EIF2AK2: variants seen among roughly 807,000 people sequenced by gnomAD.
EIF2AK2 encodes interferon-induced, double-stranded RNA-activated protein kinase.
A neutral mutation model predicts 70.5 loss-of-function variants in EIF2AK2; 40 were observed. The ratio of observed to expected loss-of-function variants is 0.57; its 90% confidence interval spans 0.44 to 0.74. The LOEUF (loss-of-function observed/expected upper bound fraction) is 0.74. Ranked by LOEUF, EIF2AK2 falls within the 30% of genes least tolerant of loss-of-function variation. The pLI, the probability that EIF2AK2 is intolerant of heterozygous loss-of-function variation, is 0.00. For missense variants in EIF2AK2, 555 were observed against 644.3 expected, an observed-to-expected ratio of 0.86 and a Z score of 1.50; for synonymous variants, 198 against 220.9, an observed-to-expected ratio of 0.90 and a Z score of 0.92.
chr2:37,144,215 A>C (rs994246963), intron 4 of EIF2AK2, among the ~76,000 whole-genome samples: 1 of 152,214 alleles, frequency 6.6e-6, no homozygotes, highest in African/African-American at 2.4e-5. Flanking sequence ...ACACTACTGT[A>C]AACAAATCTA....
At chr2:37,147,296 T>C (rs13020720) in intron 3 of EIF2AK2, among the ~76,000 whole-genome samples, 1 of 151,608 alleles carries the variant, frequency 6.6e-6, no homozygotes, top group Non-Finnish European at 1.5e-5. Context: ...TATAAGGTCA[T>C]ATCTTTTTTC....
intron 4 of EIF2AK2, among the ~76,000 whole-genome samples, chr2:37,145,443 G>C (rs749270412): frequency 1.3e-5 from 2 of 152,040 alleles, no homozygotes; most frequent in Non-Finnish European, 2.9e-5. Flanking sequence ...GCGCCTGGCC[G>C]CGTTTGTGTT....
intron 13 of EIF2AK2, among the ~76,000 whole-genome samples, chr2:37,116,701 C>T (rs1265178060): frequency 6.6e-6 from 1 of 152,130 alleles, no homozygotes; most frequent in Non-Finnish European, 1.5e-5. Flanking sequence ...AAGCTGTAGA[C>T]AGATGTGGAG....
At chr2:37,155,671 A>G (rs1392032650) in intron 1 of EIF2AK2, among the ~76,000 whole-genome samples, 2 of 152,182 alleles carry the variant, frequency 1.3e-5, no homozygotes, top group Non-Finnish European at 2.9e-5. Context: ...CTAAAAAATA[A>G]TATTTGTCCA....
Position 37,148,842 on chromosome 2 carries a change from G to C in EIF2AK2, c.-17+15C>G. The C allele has an allele frequency of 4.7e-6, 4 of 842,246 alleles. No individual in the cohort carries two copies. Among genetic ancestry groups the C allele is most frequent in the South Asian group, 1.3e-5 (1 of 75,106 alleles). 52.2% of individuals were successfully genotyped at this position (842,246 alleles called of 1,614,324 possible). ...GCCACTTTTCTGAGTGCAAAATTCG[G>C]AAGACCGCTTGTACCTGGTTGGAAG... On this transcript the variant is annotated intron_variant, in intron 2 of 16. Coordinates refer to ENST00000233057, the MANE Select transcript of EIF2AK2 (RefSeq NM_001135651.3).
chr2:37,111,877 AAAT>A (rs1379288808), intron 14 of EIF2AK2, among the ~76,000 whole-genome samples: 261 of 34,812 alleles, frequency 7.5e-3, no homozygotes, highest in Non-Finnish European at 0.012. Context: ...AAAAAAAAAA[AAAT>A]ATATATATAT....
At chr2:37,124,332 G>A (rs1354129614) in intron 11 of EIF2AK2, among the ~76,000 whole-genome samples, 3 of 151,956 alleles carry the variant, frequency 2.0e-5, no homozygotes, top group Non-Finnish European at 4.4e-5. Flanking sequence ...CGCGATCTTG[G>A]CTCACTGCAA....
intron 10 of EIF2AK2, among the ~76,000 whole-genome samples, chr2:37,134,009 T>C (rs529734412): frequency 6.6e-6 from 1 of 152,320 alleles, no homozygotes; most frequent in East Asian, 1.9e-4. Flanking sequence ...ACAACCCCTC[T>C]TGCTGCAAGC....
Position 37,138,540 on chromosome 2 carries a change from A to T in EIF2AK2, c.562T>A (p.Ser188Thr). The T allele has an allele frequency of 3.1e-6, 5 of 1,614,112 alleles. No individual in the cohort carries two copies. The highest frequency in any genetic ancestry group is 4.2e-6 in the Non-Finnish European group (5 of 1,180,006). Residue 188 changes from serine to threonine, a missense_variant, in exon 7 of 17, where the codon TCC (serine) becomes ACC (threonine). Physicochemically the swap from Ser to Thr is moderately conservative, Grantham distance 58. Transcript: ENST00000233057. ...SSGSFATTCE[S>T]QSNSLVTSTL... Reference sequence around the variant, plus strand: ...CTGGTCACTAAAGAGTTGCTTTGGGACTCACACGTAGTAGCAAAAGAACCA... The same window carrying T: ...CTGGTCACTAAAGAGTTGCTTTGGGTCTCACACGTAGTAGCAAAAGAACCA...
At chr2:37,130,183 C>A (rs1273414548) in intron 10 of EIF2AK2, among the ~76,000 whole-genome samples, 4 of 152,138 alleles carry the variant, frequency 2.6e-5, no homozygotes, top group Non-Finnish European at 5.9e-5. Flanking sequence ...CTCACTGCAA[C>A]TCCTGCCTCC....
intron 13 of EIF2AK2, among the ~76,000 whole-genome samples, chr2:37,115,872 T>A (rs78295572): frequency 7.4e-6 from 1 of 134,422 alleles, no homozygotes; most frequent in Non-Finnish European, 1.6e-5. Context: ...TTTAAGCAGA[T>A]TTTTTTTTTT....
chr2:37,108,522 T>C (rs1481972577), intron 15 of EIF2AK2, among the ~76,000 whole-genome samples: 1 of 152,210 alleles, frequency 6.6e-6, no homozygotes, highest in Non-Finnish European at 1.5e-5. Context: ...TGGCATTCTC[T>C]TATATTATCT....
chr2:37,148,804 T>C, intron 2 of EIF2AK2, 53 bp downstream of exon 2: 1 of 824,242 alleles, frequency 1.2e-6, no homozygotes, highest in Admixed American at 1.7e-5. Context: ...TGCATGTAAT[T>C]GACTTAGATG....
Position 37,122,622 on chromosome 2 carries a change from A to G in EIF2AK2, c.951T>C (p.His317=). Reference sequence around the variant, plus strand: ...AGCCATTGTAGTGAACAATATTTACATGATCAAGTTTTGCCAATGCTTTTA... The same window carrying G: ...AGCCATTGTAGTGAACAATATTTACGTGATCAAGTTTTGCCAATGCTTTTA... ...REVKALAKLD[H]VNIVHYNGCW... Residue 317 remains histidine, a synonymous_variant, in exon 12 of 17, where the codon CAT becomes CAC. Coordinates refer to ENST00000233057, the MANE Select transcript of EIF2AK2 (RefSeq NM_001135651.3). 2 of 1,614,178 alleles carry G rather than the reference A, an allele frequency of 1.2e-6. No individual in the cohort carries two copies. The highest frequency in any genetic ancestry group is 1.7e-6 in the Non-Finnish European group (2 of 1,180,036).
At chr2:37,120,750 C>T (rs1674514842) in intron 12 of EIF2AK2, among the ~76,000 whole-genome samples, 1 of 148,388 alleles carries the variant, frequency 6.7e-6, no homozygotes. Context: ...ATTGCTTGAG[C>T]TCAGGAGTTT....
chr2:37,154,092 C>T (rs1675837620), intron 1 of EIF2AK2, among the ~76,000 whole-genome samples: 1 of 152,080 alleles, frequency 6.6e-6, no homozygotes, highest in Admixed American at 6.5e-5. Flanking sequence ...TTTGGGAGGC[C>T]AAGGCGGGCA....
chr2:37,118,022 T>C (rs1006708822), intron 13 of EIF2AK2, among the ~76,000 whole-genome samples: 1 of 152,080 alleles, frequency 6.6e-6, no homozygotes, highest in African/African-American at 2.4e-5. Flanking sequence ...GTATCAAAGC[T>C]TGAGGCCGGG....
intron 2 of EIF2AK2, among the ~76,000 whole-genome samples, 155 bp from the exon 3 acceptor site, chr2:37,147,977 G>A (rs1008777893): frequency 4.4e-4 from 67 of 152,088 alleles, no homozygotes; most frequent in Non-Finnish European, 2.9e-5. Context: ...TTTCAAAACC[G>A]TTCTTTCTTT....
At chr2:37,154,547 A>G (rs1311771563) in intron 1 of EIF2AK2, among the ~76,000 whole-genome samples, 1 of 151,664 alleles carries the variant, frequency 6.6e-6, no homozygotes, top group Non-Finnish European at 1.5e-5. Context: ...TTGGACTTTT[A>G]AGACACCCAC....
Sources: gnomAD v4.1 joint callset for allele counts (sites outside exome capture counted in the v4.1 genomes callset) on GRCh38, gnomAD v4.1.1 for gene constraint, MANE v1.5 for transcripts, NCBI Gene and HGNC (gene_info 2026-07-23, HGNC 2026-07-21) for gene names.